The following XYLT1 variants were observed in gnomAD, a reference collection of about 807,000 sequenced individuals.
XYLT1 encodes the protein beta-D-xylosyltransferase 1.
XYLT1 carries 36 observed loss-of-function variants against 91.3 expected under a neutral mutation model. The ratio of observed to expected loss-of-function variants is 0.39; its 90% CI spans 0.30 to 0.52. The LOEUF (loss-of-function observed/expected upper bound fraction) is 0.52. Ranked by LOEUF, XYLT1 falls within the 20% of genes least tolerant of loss-of-function variation. XYLT1 has a pLI of 0.68. For missense variants in XYLT1, 1,242 were observed against 1,284.5 expected (o/e 0.97, Z 0.51); for synonymous variants, 588 against 532.0 (o/e 1.11, Z -1.45).
intron 2 of XYLT1, among the ~76,000 whole-genome samples, chr16:17,333,606 G>C (rs75529038): frequency 3.4e-5 from 2 of 59,662 alleles, no homozygotes; most frequent in Non-Finnish European, 7.0e-5. Context: ...TTTTTTTTTT[G>C]AGATGAAGTC....
At chr16:17,450,382 G>A (rs2141950012) in intron 1 of XYLT1, among the ~76,000 whole-genome samples, 1 of 151,964 alleles carries the variant, frequency 6.6e-6, no homozygotes, top group African/African-American at 2.4e-5. Flanking sequence ...AAGGTGAGAA[G>A]GATTCTAGAG....
At chr16:17,310,792 T>A (rs147150192) in intron 2 of XYLT1, among the ~76,000 whole-genome samples, 2,160 of 152,180 alleles carry the variant, frequency 0.014, 24 homozygotes, top group Non-Finnish European at 0.021. Flanking sequence ...GAGGTTGCAG[T>A]GAGCCGAGAT....
At chr16:17,363,899 G>C (rs1236449172) in intron 1 of XYLT1, among the ~76,000 whole-genome samples, 2 of 152,042 alleles carry the variant, frequency 1.3e-5, no homozygotes, top group African/African-American at 4.8e-5. Context: ...GGCTGGTCTC[G>C]AACTCCTGAC....
chr16:17,384,018 G>A (rs1053435073), intron 1 of XYLT1, among the ~76,000 whole-genome samples: 1 of 151,846 alleles, frequency 6.6e-6, no homozygotes, highest in African/African-American at 2.4e-5. Context: ...AAAGTGCTGG[G>A]ATTATAGGCA....
intron 1 of XYLT1, among the ~76,000 whole-genome samples, chr16:17,373,362 C>A (rs8063670): frequency 4.1e-4 from 62 of 152,280 alleles, no homozygotes; most frequent in African/African-American, 1.4e-3. Flanking sequence ...TGAGAGGCTG[C>A]TTTTTGAATG....
intron 1 of XYLT1, among the ~76,000 whole-genome samples, chr16:17,369,981 AG>A (rs2035509552): frequency 6.6e-6 from 1 of 152,200 alleles, no homozygotes; most frequent in African/African-American, 2.4e-5. Context: ...GGGCAGCCTC[AG>A]AGACAGGAAG....
intron 5 of XYLT1, among the ~76,000 whole-genome samples, chr16:17,177,369 GA>G (rs2031968487): frequency 6.6e-6 from 1 of 152,168 alleles, no homozygotes; most frequent in Admixed American, 6.5e-5. Flanking sequence ...CTTTAGAAGA[GA>G]AGGGGTGATA....
chr16:17,309,400 G>A (rs2034512352), intron 2 of XYLT1, among the ~76,000 whole-genome samples: 1 of 152,160 alleles, frequency 6.6e-6, no homozygotes, highest in Non-Finnish European at 1.5e-5. Flanking sequence ...GCAAATACTT[G>A]TTGAAAGAAG....
chr16:17,445,041 C>A (rs1451591661), intron 1 of XYLT1, among the ~76,000 whole-genome samples: 1 of 152,134 alleles, frequency 6.6e-6, no homozygotes, highest in African/African-American at 2.4e-5. Context: ...ACTCTATCAC[C>A]CAGACTGAAG....
intron 3 of XYLT1, among the ~76,000 whole-genome samples, chr16:17,215,857 A>C (rs2032847635): frequency 1.3e-5 from 2 of 152,158 alleles, no homozygotes. Flanking sequence ...GGCCGACAGC[A>C]GAGGCATCAC....
At chr16:17,190,899 C>T (rs1385596338) in intron 5 of XYLT1, among the ~76,000 whole-genome samples, 1 of 152,102 alleles carries the variant, frequency 6.6e-6, no homozygotes. Flanking sequence ...TGGCTGTAGC[C>T]TTGGGGTCAA....
chr16:17,315,687 A>T (rs1358022688), intron 2 of XYLT1, among the ~76,000 whole-genome samples: 2 of 152,236 alleles, frequency 1.3e-5, no homozygotes, highest in East Asian at 3.8e-4. Flanking sequence ...AATGGACCCC[A>T]TGAGGCAGAC....
At chr16:17,212,061 C>G (rs920020903) in intron 3 of XYLT1, among the ~76,000 whole-genome samples, 1 of 152,244 alleles carries the variant, frequency 6.6e-6, no homozygotes, top group Non-Finnish European at 1.5e-5. Flanking sequence ...TTGAGAACCA[C>G]TGTTCTAGGA....
chr16:17,119,594 C>T (rs1055979736), intron 10 of XYLT1, among the ~76,000 whole-genome samples: 3 of 152,216 alleles, frequency 2.0e-5, no homozygotes, highest in Non-Finnish European at 4.4e-5. Context: ...ACCCAGCTTA[C>T]AGAGCTTCAC....
intron 2 of XYLT1, among the ~76,000 whole-genome samples, chr16:17,289,634 A>G (rs1192773662): frequency 6.6e-6 from 1 of 152,158 alleles, no homozygotes; most frequent in African/African-American, 2.4e-5. Flanking sequence ...CAAATCCAAG[A>G]CCCAACATCA....
intron 2 of XYLT1, among the ~76,000 whole-genome samples, chr16:17,276,421 C>T (rs2033975374): frequency 6.6e-6 from 1 of 152,234 alleles, no homozygotes. Flanking sequence ...GCAGTGCCTA[C>T]ACTCAAGCTT....
chr16:17,454,902 C>CT (rs2036717638), intron 1 of XYLT1, among the ~76,000 whole-genome samples: 9 of 69,138 alleles, frequency 1.3e-4, no homozygotes, highest in African/African-American at 1.2e-3. Context: ...TCATTCTTTC[C>CT]TCCCCCCCCC....
intron 8 of XYLT1, 137 bp from the exon 9 acceptor site, chr16:17,134,872 T>C: frequency 9.9e-7 from 1 of 1,008,640 alleles, no homozygotes; most frequent in Non-Finnish European, 1.5e-6. Flanking sequence ...TGCACCTCTG[T>C]GTTCTCAGTT....
chr16:17,187,423 C>T (rs2032209072), intron 5 of XYLT1, among the ~76,000 whole-genome samples: 1 of 144,076 alleles, frequency 6.9e-6, no homozygotes, highest in South Asian at 2.2e-4. Flanking sequence ...AAAAATTAGC[C>T]AGATGTGGTG....
Sources: allele counts gnomAD v4.1 joint callset (sites outside exome capture counted in the v4.1 genomes callset), GRCh38; gene constraint gnomAD v4.1.1; transcripts MANE v1.5; gene names NCBI Gene and HGNC (gene_info 2026-07-23, HGNC 2026-07-21).